ENOX2: variants seen among roughly 807,000 people sequenced by gnomAD.
ENOX2 encodes the protein ecto-NOX disulfide-thiol exchanger 2.
ENOX2 carries 36 observed loss-of-function variants against 45.0 expected under a neutral mutation model. The ratio of observed to expected loss-of-function variants is 0.80; its 90% confidence interval spans 0.61 to 1.06. The LOEUF (loss-of-function observed/expected upper bound fraction) is 1.06. Ranked by LOEUF, ENOX2 falls within the 50% of genes least tolerant of loss-of-function variation. The pLI is 0.00. For synonymous variants in ENOX2, 174 were observed against 152.3 expected (o/e 1.14, Z -1.05); for missense variants, 423 against 462.5 (o/e 0.91, Z 0.78).
At chrX:130,725,201 T>A (rs1265687796) in intron 3 of ENOX2, among the ~76,000 whole-genome samples, 1 of 110,761 alleles carries the variant, frequency 9.0e-6, no homozygotes, top group African/African-American at 3.3e-5. Flanking sequence ...ACATGTTTTT[T>A]TTCTTTAAAG....
intron 3 of ENOX2, among the ~76,000 whole-genome samples, chrX:130,775,861 T>C (rs2039845034): frequency 9.0e-6 from 1 of 111,406 alleles, no homozygotes. Context: ...TCTTACACCA[T>C]AACAAGCAGA....
chrX:130,661,519 T>C (rs1352603902), intron 9 of ENOX2, among the ~76,000 whole-genome samples: 1 of 111,548 alleles, frequency 9.0e-6, no homozygotes, highest in African/African-American at 3.3e-5. Context: ...GGAAAATTGG[T>C]GGAGAAGAGA....
intron 6 of ENOX2, among the ~76,000 whole-genome samples, chrX:130,677,386 T>C (rs1004049891): frequency 1.8e-5 from 2 of 112,439 alleles, no homozygotes; most frequent in African/African-American, 6.5e-5. Context: ...TTACTCATTT[T>C]CTACTCTGCA....
chrX:130,684,598 T>C (rs999527461), intron 5 of ENOX2, among the ~76,000 whole-genome samples: 1 of 111,704 alleles, frequency 9.0e-6, no homozygotes, highest in East Asian at 2.8e-4. Flanking sequence ...TCATCATCCA[T>C]CCAATCCTCC....
rs2079177906 is a variant in ENOX2, at chrX:130,903,115, G to C, written c.-297C>G. 1.8e-5 allele frequency: 2 copies of C among 112,792 alleles called. No homozygotes were observed. Among genetic ancestry groups the C allele is most frequent in the Non-Finnish European group, 3.8e-5 (2 of 53,244 alleles). 9.3% of individuals were successfully genotyped at this position (112,792 alleles called of 1,213,427 possible). ...CGCGGAAAATCGGGCCGGCGCGGCA[G>C]TTCCTGGGCTCGTAGTGCCCTCGCG... On this transcript the variant is annotated 5_prime_UTR_variant, in exon 1 of 15. Transcript: ENST00000394363.
At chrX:130,825,857 AAG>A (rs1225318022) in intron 2 of ENOX2, among the ~76,000 whole-genome samples, 4 of 111,261 alleles carry the variant, frequency 3.6e-5, no homozygotes, top group Non-Finnish European at 7.6e-5. Context: ...GAGAGAGAAA[AAG>A]AGAGAGAGGG....
intron 10 of ENOX2, among the ~76,000 whole-genome samples, chrX:130,638,080 C>A (rs199849090): frequency 4.6e-5 from 4 of 87,033 alleles, no homozygotes; most frequent in Non-Finnish European, 9.2e-5. Flanking sequence ...TTTTTTTTTT[C>A]TTTTTTTTGA....
chrX:130,775,712 C>T (rs1024838112), intron 3 of ENOX2, among the ~76,000 whole-genome samples: 8 of 111,362 alleles, frequency 7.2e-5, no homozygotes, highest in African/African-American at 2.6e-4. Context: ...AGGCCTTAGA[C>T]ACAAGCCATG....
chrX:130,838,620 T>G (rs766300349), intron 2 of ENOX2, among the ~76,000 whole-genome samples: 1 of 111,643 alleles, frequency 9.0e-6, no homozygotes, highest in Admixed American at 9.5e-5. Flanking sequence ...CCTGGCCATC[T>G]TTGTTTCATT....
intron 10 of ENOX2, among the ~76,000 whole-genome samples, chrX:130,643,574 A>G (rs1206135747): frequency 8.9e-6 from 1 of 112,238 alleles, no homozygotes; most frequent in Non-Finnish European, 1.9e-5. Context: ...TTTCAGAGCA[A>G]TGAAATTTAT....
intron 2 of ENOX2, among the ~76,000 whole-genome samples, chrX:130,788,454 T>C (rs750951594): frequency 8.9e-6 from 1 of 111,914 alleles, no homozygotes; most frequent in South Asian, 3.8e-4. Context: ...CCAGGGGCAC[T>C]GCTTCGCCTG....
chrX:130,881,497 G>A (rs974341188), intron 2 of ENOX2, among the ~76,000 whole-genome samples: 3 of 112,108 alleles, frequency 2.7e-5, no homozygotes, highest in Non-Finnish European at 5.6e-5. Context: ...GTCTGGGATG[G>A]GGATTCAGAA....
At chrX:130,840,963 A>G (rs2078005950) in intron 2 of ENOX2, among the ~76,000 whole-genome samples, 1 of 112,211 alleles carries the variant, frequency 8.9e-6, no homozygotes, top group Admixed American at 9.4e-5. Context: ...ATTCTTATTA[A>G]TAAAAACTGT....
chrX:130,783,724 C>T (rs1328150273), intron 2 of ENOX2, 34 bp from the exon 3 acceptor site: 6 of 261,518 alleles, frequency 2.3e-5, no homozygotes, highest in Non-Finnish European at 4.3e-5. Flanking sequence ...AGTCCAGACT[C>T]CATTAAGGAC....
In ENOX2 at chrX:130,625,356, C is replaced by G. The variant is rs754815659; in HGVS notation, c.1704G>C (p.Lys568Asn). The change falls in exon 15 of 15, where the codon AAG becomes AAC. Residue 568 changes from lysine (K) to asparagine (N), a missense_variant. Around this residue, in one of 5 missense-constraint regions of ENOX2, gnomAD observed 34 missense variants for 31.3 expected, o/e 1.09. Coordinates refer to ENST00000394363, the MANE Select transcript of ENOX2 (RefSeq NM_006375.4). ...CCTCGAAGCCACAGAATTTCCATCT[C>G]TTTTCCAGGCTGGCTCCAACTCCAG... ...EMTGVGASLE[K>N]RWKFCGFEGL... 2.5e-6 allele frequency: 3 copies of G among 1,211,637 alleles called. No homozygotes were observed. In the Admixed American group the frequency reaches 6.5e-5, roughly 26 times the overall value.
intron 2 of ENOX2, among the ~76,000 whole-genome samples, chrX:130,843,289 C>G (rs1048633163): frequency 9.0e-6 from 1 of 111,119 alleles, no homozygotes; most frequent in Admixed American, 9.6e-5. Flanking sequence ...CCGAGCCCTA[C>G]GGACTCTACC....
At chrX:130,700,747 C>T (rs2037878144) in intron 4 of ENOX2, among the ~76,000 whole-genome samples, 1 of 111,528 alleles carries the variant, frequency 9.0e-6, no homozygotes, top group Admixed American at 9.5e-5. Context: ...TATTTAATGT[C>T]CACAGTAATC....
At chrX:130,667,269 G>C (rs2036858040) in intron 8 of ENOX2, among the ~76,000 whole-genome samples, 1 of 112,085 alleles carries the variant, frequency 8.9e-6, no homozygotes, top group Non-Finnish European at 1.9e-5. Flanking sequence ...GGCTGTAGAA[G>C]TATAGGATGT....
intron 10 of ENOX2, among the ~76,000 whole-genome samples, chrX:130,649,043 CAAAAAAAAAAAAAAAAAAAAAA>C (rs35154919): frequency 1.5e-4 from 1 of 6,792 alleles, no homozygotes; most frequent in Non-Finnish European, 3.6e-4. Flanking sequence ...GACTCCATAT[CAAAAAAAAAAAAAAAAAAAAAA>C]AAAAAAAAAA....
Sources: gnomAD v4.1 joint callset for allele counts (sites outside exome capture counted in the v4.1 genomes callset) on GRCh38, gnomAD v4.1.1 for gene constraint, gnomAD v4.1.1 regional missense constraint, MANE v1.5 for transcripts, NCBI Gene and HGNC (gene_info 2026-07-23, HGNC 2026-07-21) for gene names.